The following LHFPL4 variants were observed in gnomAD, a reference collection of about 807,000 sequenced individuals.
LHFPL4 encodes the protein LHFPL tetraspan subfamily member 4 protein.
A neutral mutation model predicts 20.0 loss-of-function variants in LHFPL4; 6 were observed. The observed-to-expected ratio is 0.30, with a 90% confidence interval of 0.16 to 0.59. LHFPL4 has a LOEUF of 0.59. LHFPL4 is among the 20% of genes least tolerant of loss of function. LHFPL4 has a pLI of 0.88. For missense variants in LHFPL4, 215 were observed against 331.2 expected, an observed-to-expected ratio of 0.65 and a Z score of 2.72; for synonymous variants, 129 against 143.8, an observed-to-expected ratio of 0.90 and a Z score of 0.74.
chr3:9,552,327 A>C lies in LHFPL4; in HGVS notation c.353T>G (p.Phe118Cys), dbSNP rs2046560502. The change falls in exon 2 of 4, where the codon TTC becomes TGC. Residue 118 changes from phenylalanine (F) to cysteine (C), a missense_variant. Transcript: ENST00000287585. ...GCITCFSLFF[F>C]CNTATVYKIC... ...CTTGTAGACCGTAGCCGTGTTGCAG[A>C]AGAAGAAAAGCGAAAAGCAGGTGAT... 6.2e-7 allele frequency: 1 copy of C among 1,613,630 alleles called. No homozygotes were observed. The highest frequency in any genetic ancestry group is 1.1e-5 in the South Asian group (1 of 91,030).
At chr3:9,507,986 T>C (rs1480956632) in intron 2 of LHFPL4, among the ~76,000 whole-genome samples, 1 of 152,186 alleles carries the variant, frequency 6.6e-6, no homozygotes, top group Admixed American at 6.5e-5. Flanking sequence ...GAGGGCTCTG[T>C]TTGGAACCGT....
At chr3:9,535,559 C>A (rs2046439806) in intron 2 of LHFPL4, among the ~76,000 whole-genome samples, 1 of 141,776 alleles carries the variant, frequency 7.1e-6, no homozygotes, top group Non-Finnish European at 1.6e-5. Context: ...CCACAAAGAA[C>A]AATGATAATT....
intron 2 of LHFPL4, among the ~76,000 whole-genome samples, chr3:9,524,110 G>A (rs990258608): frequency 6.7e-6 from 1 of 150,086 alleles, no homozygotes; most frequent in African/African-American, 2.5e-5. Context: ...GTTTTTTGTT[G>A]GTTTGTTTCT....
At chr3:9,513,553 G>A (rs775459197) in intron 2 of LHFPL4, among the ~76,000 whole-genome samples, 52 of 152,016 alleles carry the variant, frequency 3.4e-4, no homozygotes, top group Non-Finnish European at 5.7e-4. Context: ...GGCTGGTCTC[G>A]AACTCCTGGC....
At chr3:9,527,011 A>T (rs2046379776) in intron 2 of LHFPL4, among the ~76,000 whole-genome samples, 1 of 152,094 alleles carries the variant, frequency 6.6e-6, no homozygotes, top group Non-Finnish European at 1.5e-5. Flanking sequence ...GGAAGGAAGG[A>T]AGAGAAGGAG....
rs145789430 is a variant in LHFPL4 at position 9,517,815 on chromosome 3, T to G, written c.407-11612A>C. On this transcript the variant is annotated intron_variant, in intron 2 of 3. Coordinates refer to ENST00000287585, the MANE Select transcript of LHFPL4 (RefSeq NM_198560.3). Reference sequence around the variant, plus strand: ...TGGGTTTTTTTGTTTTTTGTTTTTTTTTTTTTGCTTGATTCTCTGGGATTT... The same window carrying G: ...TGGGTTTTTTTGTTTTTTGTTTTTTGTTTTTTGCTTGATTCTCTGGGATTT... Among the ~76,000 whole-genome samples, 170 of 150,602 alleles carry G rather than the reference T, an allele frequency of 1.1e-3. 3 individuals carry two copies. The highest frequency in any genetic ancestry group is 3.0e-3 in the African/African-American group (124 of 41,216).
In LHFPL4 at chr3:9,506,608, T is replaced by C. The variant is rs1355198191; in HGVS notation, c.407-405A>G. The stretch of plus-strand genomic sequence containing the variant: ...GTCGTTGTTGTTGTTTGAGACGGAG[T>C]CTCGCTCTGTTGCCCAGGGTGGAGT... On this transcript the variant is annotated intron_variant, in intron 2 of 3. Transcript: ENST00000287585. This position sits in a 1 kb window ranked among gnomAD's most constrained non-coding sequence, Gnocchi z 4.5. 2.0e-5 allele frequency among the ~76,000 whole-genome samples: 3 copies of C among 152,266 alleles called. No individual in the cohort carries two copies. The East Asian group carries it at 5.8e-4, about 29-fold the overall frequency.
At chr3:9,524,169 T>C (rs2046359374) in intron 2 of LHFPL4, among the ~76,000 whole-genome samples, 1 of 152,080 alleles carries the variant, frequency 6.6e-6, no homozygotes, top group South Asian at 2.1e-4. Flanking sequence ...GCTTGATTTT[T>C]TCTAGTTTGA....
intron 2 of LHFPL4, among the ~76,000 whole-genome samples, chr3:9,512,953 G>C (rs1045673502): frequency 3.9e-5 from 6 of 152,048 alleles, no homozygotes; most frequent in Admixed American, 3.9e-4. Context: ...TTTTTTGTTT[G>C]TTTGTTTGTT....
At chr3:9,520,192 A>G (rs749101653) in intron 2 of LHFPL4, among the ~76,000 whole-genome samples, 30 of 152,226 alleles carry the variant, frequency 2.0e-4, no homozygotes, top group South Asian at 4.1e-4. Context: ...GGTAGGGCTC[A>G]CAATTGTAAC....
At chr3:9,528,060 T>A (rs146135365) in intron 2 of LHFPL4, among the ~76,000 whole-genome samples, 334 of 152,356 alleles carry the variant, frequency 2.2e-3, no homozygotes, top group Non-Finnish European at 3.1e-3. Flanking sequence ...TAAATTATCA[T>A]CTGAGCCAGC....
At chr3:9,521,928 T>A (rs1297829685) in intron 2 of LHFPL4, among the ~76,000 whole-genome samples, 1 of 152,154 alleles carries the variant, frequency 6.6e-6, no homozygotes, top group Middle Eastern at 3.2e-3. Flanking sequence ...TTTGTTACTA[T>A]TTTATATTTG....
At chr3:9,522,368 C>T (rs758188471) in intron 2 of LHFPL4, among the ~76,000 whole-genome samples, 24 of 152,062 alleles carry the variant, frequency 1.6e-4, no homozygotes, top group African/African-American at 5.1e-4. Flanking sequence ...AATAAGCGTG[C>T]GTGTGTGTAT....
At chr3:9,522,355 A>G (rs575886196) in intron 2 of LHFPL4, among the ~76,000 whole-genome samples, 1 of 152,298 alleles carries the variant, frequency 6.6e-6, no homozygotes, top group Admixed American at 6.5e-5. Flanking sequence ...CACTTTAAGC[A>G]TAAATAAGCG....
At chr3:9,537,247 T>TC (rs1397750947) in intron 2 of LHFPL4, among the ~76,000 whole-genome samples, 5 of 152,232 alleles carry the variant, frequency 3.3e-5, no homozygotes, top group Admixed American at 3.3e-4. Flanking sequence ...CTGCCCTCCT[T>TC]TCTGTTCCTG....
intron 3 of LHFPL4, among the ~76,000 whole-genome samples, chr3:9,502,823 T>A (rs1001295269): frequency 6.6e-6 from 1 of 152,106 alleles, no homozygotes; most frequent in Non-Finnish European, 1.5e-5. Context: ...AGCCCCGATT[T>A]TCTCATCTGC....
intron 2 of LHFPL4, among the ~76,000 whole-genome samples, chr3:9,530,958 C>A (rs1420580339): frequency 6.6e-6 from 1 of 152,098 alleles, no homozygotes; most frequent in African/African-American, 2.4e-5. Context: ...CACTTGAACA[C>A]TTAGAGGCCA....
intron 1 of LHFPL4, among the ~76,000 whole-genome samples, chr3:9,553,214 G>T (rs1201260366): frequency 2.0e-5 from 3 of 151,642 alleles, no homozygotes; most frequent in Non-Finnish European, 2.9e-5. Flanking sequence ...ACTATGAGGC[G>T]GTGGTGGGCG....
intron 2 of LHFPL4, among the ~76,000 whole-genome samples, chr3:9,510,053 G>A (rs1448534670): frequency 2.0e-5 from 3 of 152,190 alleles, no homozygotes; most frequent in Non-Finnish European, 4.4e-5. Context: ...CAAGCTAGAT[G>A]ATTCTTCATG....
Sources: allele counts gnomAD v4.1 joint callset (sites outside exome capture counted in the v4.1 genomes callset), GRCh38; gene constraint gnomAD v4.1.1; non-coding constraint Gnocchi (gnomAD v3.1); transcripts MANE v1.5; gene names NCBI Gene and HGNC (gene_info 2026-07-23, HGNC 2026-07-21).